SCARA5: variants seen among roughly 807,000 people sequenced by gnomAD.
The protein encoded by SCARA5 is scavenger receptor class A, member 5 (putative).
A neutral mutation model predicts 46.3 loss-of-function variants in SCARA5; 45 were observed. The observed-to-expected ratio is 0.97, with a 90% CI of 0.76 to 1.24. The LOEUF is 1.24. Ranked by LOEUF, SCARA5 falls within the 50% of genes most tolerant of loss-of-function variation. The pLI is 0.00. For missense variants in SCARA5, 680 were observed against 689.0 expected, an observed-to-expected ratio of 0.99 and a Z score of 0.15; for synonymous variants, 333 against 306.5, an observed-to-expected ratio of 1.09 and a Z score of -0.90.
intron 7 of SCARA5, among the ~76,000 whole-genome samples, chr8:27,893,392 G>A (rs1251699848): frequency 6.6e-6 from 1 of 152,180 alleles, no homozygotes; most frequent in Non-Finnish European, 1.5e-5. Context: ...GCAGACCTTA[G>A]AAATCTACTA....
At chr8:27,986,325 G>T (rs1026817336) in intron 2 of SCARA5, among the ~76,000 whole-genome samples, 2 of 152,118 alleles carry the variant, frequency 1.3e-5, no homozygotes, top group Non-Finnish European at 2.9e-5. Context: ...CCCTCTGCTC[G>T]CCTGACTTTA....
At chr8:27,931,962 G>A (rs558517933) in intron 3 of SCARA5, among the ~76,000 whole-genome samples, 9 of 135,480 alleles carry the variant, frequency 6.6e-5, no homozygotes, top group East Asian at 6.6e-4. Context: ...CCAAAGAACC[G>A]TGCATTTTTA....
chr8:27,884,522 TG>T (rs34596666), intron 7 of SCARA5, among the ~76,000 whole-genome samples: 2 of 152,154 alleles, frequency 1.3e-5, no homozygotes, highest in African/African-American at 4.8e-5. Flanking sequence ...AGCCACAGTG[TG>T]GGGTCAGCAA....
chr8:27,944,462 A>G (rs142838478), intron 3 of SCARA5, among the ~76,000 whole-genome samples: 61 of 152,332 alleles, frequency 4.0e-4, no homozygotes, highest in African/African-American at 1.4e-3. Context: ...GAGAAGAGAG[A>G]GCAGGTACAC....
intron 2 of SCARA5, among the ~76,000 whole-genome samples, chr8:27,976,830 G>A (rs952013185): frequency 1.3e-5 from 2 of 152,118 alleles, no homozygotes; most frequent in Non-Finnish European, 2.9e-5. Flanking sequence ...GGGATGAGGC[G>A]CCCTAGGACT....
intron 3 of SCARA5, among the ~76,000 whole-genome samples, chr8:27,935,449 C>T (rs1807839279): frequency 2.0e-5 from 3 of 152,072 alleles, no homozygotes; most frequent in Non-Finnish European, 1.5e-5. Flanking sequence ...TAGGTGTCAC[C>T]CATAAAGACC....
At chr8:27,922,724 C>T (rs918617566) in intron 3 of SCARA5, among the ~76,000 whole-genome samples, 1 of 152,178 alleles carries the variant, frequency 6.6e-6, no homozygotes, top group African/African-American at 2.4e-5. Context: ...GGGTGGGTAC[C>T]TGCTGCAATC....
rs760963423 is a variant in SCARA5, at chr8:27,879,753, G to A, written c.1167C>T (p.Ala389=). The change falls in exon 8 of 9, where the codon GCC becomes GCT. Residue 389 remains alanine, a synonymous_variant. Transcript: ENST00000354914. ...CATTCACCAGGCGGATCATCATCGG[G>A]GCCTCCACGCCACCTGCCGGAGCAG... ...DRAGDASGVE[A]PMMIRLVNGS... 8 of 1,612,888 alleles carry A rather than the reference G, an allele frequency of 5.0e-6. No homozygotes were observed. Among genetic ancestry groups the A allele is most frequent in the East Asian group, 2.2e-5 (1 of 44,870 alleles).
intron 7 of SCARA5, among the ~76,000 whole-genome samples, chr8:27,894,968 C>T (rs920624667): frequency 1.1e-4 from 16 of 152,212 alleles, no homozygotes; most frequent in African/African-American, 9.6e-5. Context: ...CTAAATACCC[C>T]AAAACCTGCT....
chr8:27,911,482 A>G (rs1485486579), intron 4 of SCARA5, among the ~76,000 whole-genome samples: 1 of 152,212 alleles, frequency 6.6e-6, no homozygotes, highest in Non-Finnish European at 1.5e-5. Flanking sequence ...ACCTGAGGTC[A>G]GGAGTTCGAG....
intron 3 of SCARA5, among the ~76,000 whole-genome samples, chr8:27,926,470 A>G (rs1213420916): frequency 1.3e-5 from 2 of 152,152 alleles, no homozygotes; most frequent in Admixed American, 6.5e-5. Context: ...TGGGGGAGGG[A>G]TAGCATTAGG....
intron 4 of SCARA5, among the ~76,000 whole-genome samples, chr8:27,913,746 G>A (rs541328575): frequency 1.8e-4 from 27 of 152,154 alleles, no homozygotes; most frequent in Non-Finnish European, 3.5e-4. Flanking sequence ...CTCAGAGCAC[G>A]GGAAGGCCCC....
chr8:27,896,704 C>T lies in SCARA5; in HGVS notation c.1153+8074G>A, dbSNP rs527693410. Among the ~76,000 whole-genome samples, 15 of 152,292 alleles carry T rather than the reference C, an allele frequency of 9.8e-5. No individual in the cohort carries two copies. The East Asian group carries it at 2.9e-3, about 29-fold the overall frequency. On this transcript the variant is annotated intron_variant, in intron 7 of 8. Transcript: ENST00000354914. Reference sequence around the variant, plus strand: ...AGCGAGAAAGACAGCCATATACCCCCTCCTGCCACCATGGCCCCAAGACCT... The same window carrying T: ...AGCGAGAAAGACAGCCATATACCCCTTCCTGCCACCATGGCCCCAAGACCT...
intron 5 of SCARA5, among the ~76,000 whole-genome samples, chr8:27,908,537 T>C (rs945735939): frequency 6.6e-6 from 1 of 152,238 alleles, no homozygotes; most frequent in Non-Finnish European, 1.5e-5. Flanking sequence ...CAGAGAAATC[T>C]GTCTCCCAGT....
chr8:27,967,581 G>A (rs1433606669), intron 2 of SCARA5, among the ~76,000 whole-genome samples: 1 of 152,066 alleles, frequency 6.6e-6, no homozygotes, highest in Non-Finnish European at 1.5e-5. Context: ...ACCCCCTGTG[G>A]GTAAGACCCC....
chr8:27,879,678 C>G lies in SCARA5; in HGVS notation c.1242G>C (p.Trp414Cys). 1 of 1,613,224 alleles carries G rather than the reference C, an allele frequency of 6.2e-7. No individual in the cohort carries two copies. The highest frequency in any genetic ancestry group is 8.5e-7 in the Non-Finnish European group (1 of 1,180,018). Residue 414 changes from tryptophan to cysteine, a missense_variant, in exon 8 of 9, where the codon TGG (tryptophan) becomes TGC (cysteine). By Grantham distance (215) the Trp-to-Cys change is radical (BLOSUM62 -2). Around this residue, in one of 3 missense-constraint regions of SCARA5, gnomAD observed 219 missense variants for 269.5 expected, o/e 0.81. Transcript: ENST00000354914. ...GRVEVYHDRR[W>C]GTVCDDGWDK... is the part of the protein sequence containing the mutation. ...CCCAGCCGTCGTCACACACGGTGCC[C>G]CAACGCCGGTCGTGGTACACTTCCA...
intron 2 of SCARA5, among the ~76,000 whole-genome samples, chr8:27,971,453 C>T (rs1424269255): frequency 6.6e-6 from 1 of 152,232 alleles, no homozygotes; most frequent in East Asian, 1.9e-4. Flanking sequence ...CAGTCTTCCT[C>T]TCTGTGTGAA....
chr8:27,930,481 C>T (rs1267991802), intron 3 of SCARA5, among the ~76,000 whole-genome samples: 1 of 151,950 alleles, frequency 6.6e-6, no homozygotes, highest in Non-Finnish European at 1.5e-5. Flanking sequence ...CGGCTCACAG[C>T]AACCTCCGCC....
At position 27,943,114 on chromosome 8, in the gene SCARA5, A is replaced by G. The variant is rs572470068; in HGVS notation, c.242-20869T>C. On this transcript the variant is annotated intron_variant, in intron 3 of 8. Transcript: ENST00000354914. The stretch of plus-strand genomic sequence containing the variant: ...TGATGCCTTGAAGGAGCCATCCAAC[A>G]TAGAAGCACCAAGAGGTTGGAAGGG... 9.2e-5 allele frequency among the ~76,000 whole-genome samples: 14 copies of G among 152,266 alleles called. No homozygotes were observed. The South Asian group carries it at 2.7e-3, about 29-fold the overall frequency.
Sources: allele counts gnomAD v4.1 joint callset (sites outside exome capture counted in the v4.1 genomes callset), GRCh38; gene constraint gnomAD v4.1.1; regional missense constraint gnomAD v4.1.1; transcripts MANE v1.5; gene names NCBI Gene and HGNC (gene_info 2026-07-23, HGNC 2026-07-21).